The following ACACA variants were observed in gnomAD, a reference collection of about 807,000 sequenced individuals.
ACACA encodes acetyl-CoA carboxylase alpha, also known as acetyl-CoA carboxylase 1.
A neutral mutation model predicts 296.1 loss-of-function variants in ACACA; 103 were observed. That is an observed-to-expected ratio of 0.35 (90% confidence interval 0.30 to 0.41). The LOEUF is 0.41. ACACA is among the 10% of genes least tolerant of loss of function. The pLI is 1.00. For missense variants in ACACA, 1,554 were observed against 2,989.7 expected (o/e 0.52, Z 11.20); for synonymous variants, 953 against 1,038.6 (o/e 0.92, Z 1.58).
chr17:37,204,807 T>C (rs1484099939), intron 33 of ACACA, among the ~76,000 whole-genome samples: 1 of 152,198 alleles, frequency 6.6e-6, no homozygotes, highest in Non-Finnish European at 1.5e-5. Context: ...AGTCTCTCAA[T>C]AGGCTGATGA....
chr17:37,402,298 G>A lies in ACACA; in HGVS notation c.38+3964C>T, dbSNP rs565994042. ...GGTCAGGAGAAGTGTTCCTAAGGAA[G>A]TGATGTCTAAGTGAGGTAGGCAGTA... On this transcript the variant is annotated intron_variant, in intron 1 of 55. Transcript: ENST00000616317. 3.3e-5 allele frequency among the ~76,000 whole-genome samples: 5 copies of A among 152,212 alleles called. No homozygotes were observed. In the South Asian group the frequency reaches 1.0e-3, roughly 32 times the overall value.
intron 10 of ACACA, among the ~76,000 whole-genome samples, chr17:37,268,727 ATCTATCTATCTATC>A (rs1432345092): frequency 0.019 from 2,112 of 109,460 alleles, 47 homozygotes; most frequent in African/African-American, 0.074. Flanking sequence ...CTATCTATCT[ATCTATCTATCTATC>A]TATATATATA....
chr17:37,113,362 C>G lies in ACACA; in HGVS notation c.6275-97G>C. 8.4e-6 allele frequency: 11 copies of G among 1,306,772 alleles called. No individual in the cohort carries two copies. The highest frequency in any genetic ancestry group is 7.5e-5 in the South Asian group (6 of 79,772). 80.9% of individuals were successfully genotyped at this position (1,306,772 alleles called of 1,614,324 possible). On this transcript the variant is annotated intron_variant, in intron 50 of 55. Transcript: ENST00000616317. This position sits in a 1 kb window ranked among gnomAD's most constrained non-coding sequence, Gnocchi z 4.0. ...AGGACCTCTGGCCACGAAGAGCCTC[C>G]TTATACTATGCCTCCTGTTTGGCCA... is the stretch of plus-strand genomic sequence containing the variant.
intron 3 of ACACA, among the ~76,000 whole-genome samples, chr17:37,301,127 A>G (rs1598435183): frequency 1.3e-5 from 2 of 152,280 alleles, no homozygotes. Flanking sequence ...AAAATATACT[A>G]AAGAGGCACA....
At position 37,151,366 on chromosome 17, in the gene ACACA, G is replaced by A. The variant is rs1378823015; in HGVS notation, c.5503C>T (p.Arg1835Ter). ...KEEGIGPENLRGSGMIAGESS... is the reference protein window; with the variant it reads ...KEEGIGPENL ...TCTCCAGCAATCATTCCAGAACCTC[G>A]AAGGTTCTCGGGTCCAATTCCCTCT... Residue 1835 changes from arginine (R) to a stop codon, truncating the protein, a stop_gained, in exon 44 of 56, where the codon CGA becomes TGA. Transcript: ENST00000616317. LOFTEE classifies it high-confidence loss of function. 2 of 1,613,532 alleles carry A rather than the reference G, an allele frequency of 1.2e-6. No homozygotes were observed. Among genetic ancestry groups the A allele is most frequent in the East Asian group, 2.2e-5 (1 of 44,842 alleles).
intron 1 of ACACA, among the ~76,000 whole-genome samples, chr17:37,382,580 C>T (rs1041729681): frequency 1.3e-5 from 2 of 151,598 alleles, no homozygotes; most frequent in South Asian, 4.2e-4. Flanking sequence ...AACTCAAAAG[C>T]GTCAGGTGCG....
intron 38 of ACACA, among the ~76,000 whole-genome samples, chr17:37,190,289 C>T (rs1236032354): frequency 2.0e-5 from 3 of 151,914 alleles, no homozygotes; most frequent in African/African-American, 7.3e-5. Flanking sequence ...ATTAGCCGGG[C>T]GTGGTGGCAC....
intron 3 of ACACA, among the ~76,000 whole-genome samples, chr17:37,305,304 TA>T (rs2083819406): frequency 6.6e-6 from 1 of 152,254 alleles, no homozygotes; most frequent in Non-Finnish European, 1.5e-5. Flanking sequence ...TTGCCTGAGC[TA>T]AATCTGTGAA....
At chr17:37,263,633 T>C in intron 11 of ACACA, 52 bp downstream of exon 11, 1 of 1,470,416 alleles carries the variant, frequency 6.8e-7, no homozygotes, top group Non-Finnish European at 9.5e-7. Flanking sequence ...ATGAACTGAA[T>C]GAAAAATGTT....
At chr17:37,371,122 C>T (rs1323471248) in intron 1 of ACACA, among the ~76,000 whole-genome samples, 1 of 151,850 alleles carries the variant, frequency 6.6e-6, no homozygotes, top group African/African-American at 2.4e-5. Flanking sequence ...TCTTGTTGCC[C>T]AGGCTGGAGT....
chr17:37,216,883 A>G (rs907994645), intron 29 of ACACA, among the ~76,000 whole-genome samples: 13 of 152,264 alleles, frequency 8.5e-5, no homozygotes, highest in African/African-American at 3.1e-4. Flanking sequence ...GCCAGTTTGC[A>G]GACAGAGTGC....
chr17:37,120,090 A>G (rs552779762), intron 50 of ACACA, among the ~76,000 whole-genome samples: 43 of 151,648 alleles, frequency 2.8e-4, no homozygotes, highest in African/African-American at 1.0e-3. Flanking sequence ...ACAGGGTTTC[A>G]CTATGTTGGA....
chr17:37,405,660 C>T (rs2051457633), intron 1 of ACACA, among the ~76,000 whole-genome samples: 1 of 152,048 alleles, frequency 6.6e-6, no homozygotes. Flanking sequence ...TCAAGCGATT[C>T]TACTGCCTCA....
intron 42 of ACACA, among the ~76,000 whole-genome samples, chr17:37,158,432 C>A (rs1216995002): frequency 6.6e-6 from 1 of 152,014 alleles, no homozygotes; most frequent in Non-Finnish European, 1.5e-5. Flanking sequence ...GAATTCGAGA[C>A]CAGCCTGGGC....
At chr17:37,196,554 G>C (rs2145183747) in intron 35 of ACACA, among the ~76,000 whole-genome samples, 1 of 150,844 alleles carries the variant, frequency 6.6e-6, no homozygotes, top group South Asian at 2.1e-4. Context: ...TGGGGGATAA[G>C]AAGAAGTCCT....
chr17:37,188,567 G>A, intron 38 of ACACA, 87 bp from the exon 39 acceptor site: 5 of 1,436,722 alleles, frequency 3.5e-6, no homozygotes, highest in Admixed American at 3.8e-5. Context: ...AGAAAGAAGG[G>A]GTAAAAAAAA....
At chr17:37,215,758 G>C (rs1051266384) in intron 29 of ACACA, among the ~76,000 whole-genome samples, 3 of 151,730 alleles carry the variant, frequency 2.0e-5, no homozygotes, top group African/African-American at 7.3e-5. Context: ...TTTCTGAATA[G>C]GAAAAAAGAC....
intron 45 of ACACA, among the ~76,000 whole-genome samples, chr17:37,141,600 C>A (rs948775548): frequency 1.3e-5 from 2 of 152,162 alleles, no homozygotes; most frequent in East Asian, 1.9e-4. Context: ...ATTATGCCTT[C>A]CATTTCACAA....
At chr17:37,289,435 G>C (rs983554255) in intron 3 of ACACA, 3 of 1,350,812 alleles carry the variant, frequency 2.2e-6, no homozygotes, top group East Asian at 9.1e-5. Context: ...ATCAGCAACT[G>C]TAAGTATGGC....
Sources: allele counts gnomAD v4.1 joint callset (sites outside exome capture counted in the v4.1 genomes callset), GRCh38; gene constraint gnomAD v4.1.1; non-coding constraint Gnocchi (gnomAD v3.1); transcripts MANE v1.5; gene names NCBI Gene and HGNC (gene_info 2026-07-23, HGNC 2026-07-21).